Variants in ZNF892 observed in about 807,000 individuals in gnomAD.
ZNF892 encodes zinc finger protein 892.
chr2:95,233,081 C>T, the ZNF892 span, among the ~76,000 whole-genome samples: 1 of 152,138 alleles, frequency 6.6e-6, no homozygotes, highest in Non-Finnish European at 1.5e-5. Context: ...TCCTGAGCCT[C>T]TGGTTTTATT....
chr2:95,257,397 C>A, the ZNF892 span, among the ~76,000 whole-genome samples: 1 of 152,208 alleles, frequency 6.6e-6, no homozygotes, highest in Non-Finnish European at 1.5e-5. Context: ...TAGTGGTAAA[C>A]AGCAAATGTT....
the ZNF892 span, among the ~76,000 whole-genome samples, chr2:95,251,701 G>C: frequency 2.0e-5 from 3 of 152,374 alleles, no homozygotes; most frequent in African/African-American, 7.2e-5. Context: ...CCTGATGGAA[G>C]CCTGACCACT....
At chr2:95,237,643 G>A in the ZNF892 span, among the ~76,000 whole-genome samples, 1 of 152,210 alleles carries the variant, frequency 6.6e-6, no homozygotes, top group Admixed American at 6.5e-5. Context: ...AAATGATCAA[G>A]CTTAGTGAGG....
At chr2:95,251,342 C>A in the ZNF892 span, among the ~76,000 whole-genome samples, 3 of 152,186 alleles carry the variant, frequency 2.0e-5, no homozygotes, top group Non-Finnish European at 4.4e-5. Flanking sequence ...AACAATAAGA[C>A]ATTTGTTGAG....
At chr2:95,245,058 A>G in the ZNF892 span, among the ~76,000 whole-genome samples, 6 of 152,214 alleles carry the variant, frequency 3.9e-5, no homozygotes, top group Admixed American at 6.5e-5. Context: ...AGGGAAATTT[A>G]TAACACTAAA....
the ZNF892 span, among the ~76,000 whole-genome samples, chr2:95,238,371 A>G: frequency 6.6e-6 from 1 of 152,226 alleles, no homozygotes; most frequent in Non-Finnish European, 1.5e-5. Context: ...ACATCTGTTT[A>G]TAGCATGGTT....
chr2:95,249,734 A>G, the ZNF892 span, among the ~76,000 whole-genome samples: 2 of 152,118 alleles, frequency 1.3e-5, no homozygotes, highest in African/African-American at 4.8e-5. Flanking sequence ...AAAATAACAT[A>G]TTTATTAATA....
At chr2:95,213,349 G>A in the ZNF892 span, among the ~76,000 whole-genome samples, 1 of 152,126 alleles carries the variant, frequency 6.6e-6, no homozygotes, top group Non-Finnish European at 1.5e-5. Context: ...AATATATCTA[G>A]TTGAGAACAC....
At chr2:95,225,699 G>C in the ZNF892 span, among the ~76,000 whole-genome samples, 2 of 152,114 alleles carry the variant, frequency 1.3e-5, no homozygotes, top group East Asian at 3.9e-4. Flanking sequence ...ATCCCCAAAA[G>C]TCTTAACTGA....
the ZNF892 span, chr2:95,211,538 C>A: frequency 2.5e-6 from 1 of 397,574 alleles, no homozygotes; most frequent in Non-Finnish European, 4.4e-6. Flanking sequence ...CTTCCTCCTC[C>A]TGTGCTGTCA....
the ZNF892 span, among the ~76,000 whole-genome samples, chr2:95,223,354 T>G: frequency 1.3e-5 from 2 of 152,190 alleles, no homozygotes; most frequent in Admixed American, 6.5e-5. Context: ...CAACTTTCTT[T>G]AAACATAAGA....
chr2:95,210,101 GTATATGTGTGTA>G, the ZNF892 span, among the ~76,000 whole-genome samples: 78 of 147,746 alleles, frequency 5.3e-4, 1 homozygote, highest in East Asian at 8.1e-4. Context: ...ATATATGTGT[GTATATGTGTGTA>G]TATATGTGTG....
chr2:95,243,526 T>C, the ZNF892 span, among the ~76,000 whole-genome samples: 3 of 139,522 alleles, frequency 2.2e-5, no homozygotes, highest in African/African-American at 5.5e-5. Context: ...GTGAGGAGCG[T>C]CTCTGCCCGG....
At chr2:95,214,120 C>T in the ZNF892 span, among the ~76,000 whole-genome samples, 1 of 152,156 alleles carries the variant, frequency 6.6e-6, no homozygotes, top group African/African-American at 2.4e-5. Flanking sequence ...ACACACACTC[C>T]TTTTATGCCG....
chr2:95,246,870 T>C, the ZNF892 span, among the ~76,000 whole-genome samples: 1 of 152,044 alleles, frequency 6.6e-6, no homozygotes, highest in Non-Finnish European at 1.5e-5. Flanking sequence ...CACAGACAAA[T>C]GGAAAAACAT....
the ZNF892 span, among the ~76,000 whole-genome samples, chr2:95,254,822 G>A: frequency 1.3e-5 from 2 of 152,206 alleles, no homozygotes; most frequent in Admixed American, 6.5e-5. Flanking sequence ...GGGTGTATGT[G>A]TCGAAGAATG....
the ZNF892 span, chr2:95,214,915 G>T: frequency 4.0e-6 from 2 of 495,142 alleles, no homozygotes; most frequent in South Asian, 1.1e-4. Context: ...GCCCTTATTC[G>T]GCATCATATA....
the ZNF892 span, among the ~76,000 whole-genome samples, chr2:95,219,296 G>A: frequency 6.6e-6 from 1 of 151,820 alleles, no homozygotes; most frequent in Admixed American, 6.6e-5. Flanking sequence ...ATGAGCCACC[G>A]CCCCGGCCAA....
At chr2:95,253,592 TTAAAG>T in the ZNF892 span, among the ~76,000 whole-genome samples, 1 of 152,194 alleles carries the variant, frequency 6.6e-6, no homozygotes, top group Non-Finnish European at 1.5e-5. Context: ...CATATGCACT[TTAAAG>T]TAGTTTTTTC....
Sources: allele counts gnomAD v4.1 joint callset (sites outside exome capture counted in the v4.1 genomes callset), GRCh38; gene constraint gnomAD v4.1.1; transcripts MANE v1.5; gene names NCBI Gene and HGNC (gene_info 2026-07-23, HGNC 2026-07-21).